PARD3: variants seen among roughly 807,000 people sequenced by gnomAD.
The protein encoded by PARD3 is partitioning defective 3 homolog.
Under a neutral mutation model 155.4 loss-of-function variants are expected in PARD3, and 75 were observed. The observed-to-expected ratio is 0.48, with a 90% CI of 0.40 to 0.58. The LOEUF (loss-of-function observed/expected upper bound fraction) is 0.58, where lower values mean the gene tolerates loss of function less well. Ranked by LOEUF, PARD3 falls within the 20% of genes least tolerant of loss-of-function variation. PARD3 has a pLI of 0.00. For synonymous variants in PARD3, 576 were observed against 610.5 expected (o/e 0.94, Z 0.83); for missense variants, 1,642 against 1,721.7 (o/e 0.95, Z 0.82).
intron 1 of PARD3, among the ~76,000 whole-genome samples, chr10:34,758,336 T>C (rs1338264057): frequency 6.6e-6 from 1 of 152,208 alleles, no homozygotes; most frequent in Non-Finnish European, 1.5e-5. Flanking sequence ...TGCTCCCCAT[T>C]TTACAGATAA....
At chr10:34,424,671 C>T (rs547593183) in intron 5 of PARD3, among the ~76,000 whole-genome samples, 4 of 152,094 alleles carry the variant, frequency 2.6e-5, no homozygotes, top group East Asian at 1.9e-4. Context: ...CGCACCACCA[C>T]GCCGGACTAA....
At chr10:34,538,158 A>G (rs2083345031) in intron 2 of PARD3, among the ~76,000 whole-genome samples, 1 of 152,264 alleles carries the variant, frequency 6.6e-6, no homozygotes. Context: ...AAATAAATAA[A>G]TAAATAAAAT....
chr10:34,493,711 G>C (rs116643152), intron 3 of PARD3, among the ~76,000 whole-genome samples: 1 of 149,066 alleles, frequency 6.7e-6, no homozygotes, highest in East Asian at 2.0e-4. Flanking sequence ...TAACCTGGGC[G>C]ACAAAAGCGA....
intron 3 of PARD3, among the ~76,000 whole-genome samples, chr10:34,471,098 G>C (rs2078318528): frequency 1.3e-5 from 2 of 152,092 alleles, no homozygotes; most frequent in South Asian, 4.1e-4. Flanking sequence ...ATAAAGTATT[G>C]TCAGAAAGTG....
At chr10:34,780,018 C>T (rs1840063428) in intron 1 of PARD3, among the ~76,000 whole-genome samples, 1 of 152,196 alleles carries the variant, frequency 6.6e-6, no homozygotes, top group Non-Finnish European at 1.5e-5. Context: ...CTCTACGATT[C>T]CCCATCCTAT....
At chr10:34,296,114 CCT>C (rs1274482342) in intron 20 of PARD3, among the ~76,000 whole-genome samples, 15 of 152,276 alleles carry the variant, frequency 9.9e-5, no homozygotes, top group African/African-American at 3.6e-4. Flanking sequence ...CTCTGATTTA[CCT>C]CCACTGCTTT....
At position 34,352,578 on chromosome 10, in the gene PARD3, C is replaced by T. The variant is rs112685310; in HGVS notation, c.2068-4463G>A. Among the ~76,000 whole-genome samples, 565 of 152,348 alleles carry T rather than the reference C, an allele frequency of 3.7e-3. 1 individual carries two copies. The highest frequency in any genetic ancestry group is 0.013 in the African/African-American group (524 of 41,582). On this transcript the variant is annotated intron_variant, in intron 14 of 24. Coordinates refer to ENST00000374788, the MANE Select transcript of PARD3 (RefSeq NM_001184785.2). The stretch of plus-strand genomic sequence containing the variant: ...GCGGGGCTGGTCTCCAGCTCCTGAC[C>T]GCGAGTGATCTGCCCACCTGGGCCT...
chr10:34,186,040 G>C (rs558729666), intron 22 of PARD3, among the ~76,000 whole-genome samples: 2 of 152,070 alleles, frequency 1.3e-5, no homozygotes, highest in East Asian at 1.9e-4. Context: ...GCCAGTGAAG[G>C]AGCTCAGCCT....
intron 20 of PARD3, among the ~76,000 whole-genome samples, chr10:34,313,074 T>C (rs904612355): frequency 3.9e-5 from 6 of 152,216 alleles, no homozygotes; most frequent in Non-Finnish European, 7.3e-5. Context: ...TTAAAAAACA[T>C]ATCTCCCTCC....
chr10:34,722,143 T>G (rs775578183), intron 1 of PARD3, among the ~76,000 whole-genome samples: 6 of 152,148 alleles, frequency 3.9e-5, no homozygotes, highest in Non-Finnish European at 7.4e-5. Flanking sequence ...CAGTGAGACA[T>G]GATGGTGCCA....
At chr10:34,635,288 T>TA (rs1179254338) in intron 2 of PARD3, among the ~76,000 whole-genome samples, 1 of 152,210 alleles carries the variant, frequency 6.6e-6, no homozygotes, top group African/African-American at 2.4e-5. Flanking sequence ...CAAATAGGGG[T>TA]AGCCAGAAAG....
At chr10:34,344,090 A>G (rs1589244376) in intron 15 of PARD3, 1 of 963,508 alleles carries the variant, frequency 1.0e-6, no homozygotes, top group African/African-American at 1.8e-5. Context: ...GATAAATTCT[A>G]AAATGGATAC....
chr10:34,647,460 AAC>A (rs906178084), intron 2 of PARD3, among the ~76,000 whole-genome samples: 1 of 152,250 alleles, frequency 6.6e-6, no homozygotes, highest in Non-Finnish European at 1.5e-5. Flanking sequence ...TCTGTATTCT[AAC>A]ACATAAATAG....
chr10:34,785,304 T>C (rs1465900403), intron 1 of PARD3, among the ~76,000 whole-genome samples: 3 of 152,234 alleles, frequency 2.0e-5, no homozygotes, highest in East Asian at 3.8e-4. Context: ...AACCTGCACA[T>C]GTATCACACA....
chr10:34,277,341 C>T (rs1461956936), intron 21 of PARD3, among the ~76,000 whole-genome samples: 2 of 152,260 alleles, frequency 1.3e-5, no homozygotes, highest in East Asian at 3.9e-4. Flanking sequence ...CTCATCCTTC[C>T]TTTGGGTGAT....
chr10:34,392,670 A>G (rs576948328), intron 7 of PARD3, among the ~76,000 whole-genome samples: 40 of 152,282 alleles, frequency 2.6e-4, no homozygotes, highest in Non-Finnish European at 4.6e-4. Flanking sequence ...TAATGAGAGT[A>G]TGGTAAATGG....
At chr10:34,786,073 A>C (rs1273755131) in intron 1 of PARD3, among the ~76,000 whole-genome samples, 1 of 152,198 alleles carries the variant, frequency 6.6e-6, no homozygotes, top group Non-Finnish European at 1.5e-5. Context: ...TAAAGCCAAT[A>C]ATCAGTGACG....
intron 2 of PARD3, among the ~76,000 whole-genome samples, chr10:34,631,370 A>G (rs1048541940): frequency 1.3e-5 from 2 of 152,118 alleles, no homozygotes; most frequent in Non-Finnish European, 2.9e-5. Context: ...GGGTGGGTGT[A>G]GCAAAAACAT....
chr10:34,589,866 G>A lies in PARD3; in HGVS notation c.223-72707C>T, dbSNP rs1302099460. ...CCATGTACAGAAGTCATATGTATCA[G>A]TAACAGACAGTATTTATTCATAATT... On this transcript the variant is annotated intron_variant, in intron 2 of 24. Transcript: ENST00000374788. 2.0e-5 allele frequency among the ~76,000 whole-genome samples: 3 copies of A among 152,204 alleles called. No individual in the cohort carries two copies. The East Asian group carries it at 5.8e-4, about 29-fold the overall frequency.
Sources: allele counts gnomAD v4.1 joint callset (sites outside exome capture counted in the v4.1 genomes callset), GRCh38; gene constraint gnomAD v4.1.1; transcripts MANE v1.5; gene names NCBI Gene and HGNC (gene_info 2026-07-23, HGNC 2026-07-21).